The following LAMC3 variants were observed in gnomAD, a reference collection of about 807,000 sequenced individuals.
LAMC3 encodes laminin subunit gamma 3.
A neutral mutation model predicts 173.8 loss-of-function variants in LAMC3; 128 were observed. That is an observed-to-expected ratio of 0.74 (90% CI 0.64 to 0.85). LAMC3 has a LOEUF of 0.85. LAMC3 is among the 40% of genes least tolerant of loss of function. The pLI, the probability that LAMC3 is intolerant of heterozygous loss-of-function variation, is 0.00. For synonymous variants in LAMC3, 897 were observed against 909.1 expected, an observed-to-expected ratio of 0.99 and a Z score of 0.24; for missense variants, 2,022 against 2,156.0, an observed-to-expected ratio of 0.94 and a Z score of 1.23.
rs1833789744 is a variant in LAMC3 at position 131,029,492 on chromosome 9, G to C, written c.679-2553G>C. Among the ~76,000 whole-genome samples the C allele has an allele frequency of 6.6e-6, 1 of 152,228 alleles. No homozygotes were observed. The highest frequency in any genetic ancestry group is 2.4e-5 in the African/African-American group (1 of 41,458). Reference sequence around the variant, plus strand: ...TGTTGCCTCTTGTGTTCTGGACACTGTCCCTGATGGAGAGATGACCTTTTG... The same window carrying C: ...TGTTGCCTCTTGTGTTCTGGACACTCTCCCTGATGGAGAGATGACCTTTTG... On this transcript the variant is annotated intron_variant, in intron 2 of 27. Coordinates refer to ENST00000361069, the MANE Select transcript of LAMC3 (RefSeq NM_006059.4). The surrounding 1 kb of genome is among the most constrained non-coding windows in gnomAD (Gnocchi z 4.6).
chr9:131,023,026 A>G (rs1272037610), intron 1 of LAMC3, among the ~76,000 whole-genome samples: 8 of 152,086 alleles, frequency 5.3e-5, no homozygotes, highest in Non-Finnish European at 1.2e-4. Flanking sequence ...GAATCCCATA[A>G]GATGTGGTCT....
At chr9:131,049,462 T>C (rs1431929143) in intron 9 of LAMC3, among the ~76,000 whole-genome samples, 5 of 152,098 alleles carry the variant, frequency 3.3e-5, no homozygotes, top group Non-Finnish European at 7.4e-5. Flanking sequence ...CTCTTGTGTA[T>C]TTGCCATTAA....
intron 3 of LAMC3, 83 bp downstream of exon 3, chr9:131,032,258 T>C (rs956556348): frequency 2.1e-5 from 4 of 191,618 alleles, no homozygotes; most frequent in South Asian, 3.3e-5. Context: ...GGGTGGGGGG[T>C]GGGGGGGCAC....
intron 3 of LAMC3, among the ~76,000 whole-genome samples, chr9:131,033,343 C>T (rs1833881706): frequency 6.6e-6 from 1 of 152,198 alleles, no homozygotes; most frequent in African/African-American, 2.4e-5. Flanking sequence ...GATCAGATTG[C>T]TCCCCAGTGA....
rs2133281288 is a variant in LAMC3 at position 131,052,598 on chromosome 9, A to G, written c.1738A>G (p.Thr580Ala). Residue 580 changes from threonine (T) to alanine (A), a missense_variant, in exon 10 of 28, where the codon ACA becomes GCA. Thr to Ala is a moderately conservative substitution (Grantham distance 58, BLOSUM62 0). Coordinates refer to ENST00000361069, the MANE Select transcript of LAMC3 (RefSeq NM_006059.4). ...CCCTGTACAGCTGAGGCTGGAAGGGACAGGCTTGGCCCTGTCCCTGAGGCA... is the reference window on the plus strand; with the variant it reads ...CCCTGTACAGCTGAGGCTGGAAGGGGCAGGCTTGGCCCTGTCCCTGAGGCA... The part of the protein sequence containing the change: ...PLPVQLRLEG[T>A]GLALSLRHSS... 1 of 1,613,918 alleles carries G rather than the reference A, an allele frequency of 6.2e-7. No homozygotes were observed. Among genetic ancestry groups the G allele is most frequent in the South Asian group, 1.1e-5 (1 of 91,076 alleles).
rs781009795 is a variant in LAMC3, at chr9:131,077,293, A to G, written c.3736A>G (p.Thr1246Ala). Residue 1246 changes from threonine (T) to alanine (A), a missense_variant, in exon 22 of 28, where the codon ACA becomes GCA. Transcript: ENST00000361069. The part of the protein sequence containing the change: ...LATVQQVGAD[T>A]APYLALLASP... ...CACCGTGCAGCAAGTTGGCGCAGAT[A>G]CAGCCCCGTACCTGGCCTTGCTGGC... 9 of 1,613,970 alleles carry G rather than the reference A, an allele frequency of 5.6e-6. No homozygotes were observed. The African/African-American group carries it at 9.3e-5, about 17-fold the overall frequency.
chr9:131,049,094 C>T lies in LAMC3; in HGVS notation c.1594C>T (p.Leu532=), dbSNP rs1834234010. The T allele has an allele frequency of 1.9e-6, 3 of 1,551,932 alleles. No homozygotes were observed. Among genetic ancestry groups the T allele is most frequent in the Non-Finnish European group, 2.6e-6 (3 of 1,147,002 alleles). The stretch of plus-strand genomic sequence containing the variant: ...ACAATGGAGCCCAAATGGGGTCCTC[C>T]TGAGCCCAGAAGACGAGGAGGAGCT... ...PPQWSPNGVL[L]SPEDEEELTA... The change falls in exon 9 of 28, where the codon CTG becomes TTG. Residue 532 remains leucine (L), a synonymous_variant. Coordinates refer to ENST00000361069, the MANE Select transcript of LAMC3 (RefSeq NM_006059.4).
intron 20 of LAMC3, 84 bp from the exon 21 acceptor site, chr9:131,075,747 C>G (rs1830114477): frequency 6.9e-7 from 1 of 1,450,888 alleles, no homozygotes; most frequent in Admixed American, 1.9e-5. Context: ...CAGCAGGAGG[C>G]CTGTGTAGTA....
At chr9:131,065,484 A>C (rs1283889710) in intron 13 of LAMC3, among the ~76,000 whole-genome samples, 3 of 152,238 alleles carry the variant, frequency 2.0e-5, no homozygotes, top group African/African-American at 7.2e-5. Context: ...GGGATGAGGA[A>C]AAGGACGAGG....
At chr9:131,014,305 TCTC>T (rs1833480714) in intron 1 of LAMC3, among the ~76,000 whole-genome samples, 2 of 152,152 alleles carry the variant, frequency 1.3e-5, no homozygotes, top group South Asian at 4.1e-4. Flanking sequence ...CCAGCGCACT[TCTC>T]CTCCCACCTT....
At chr9:131,045,064 A>C (rs927819986) in intron 7 of LAMC3, among the ~76,000 whole-genome samples, 5 of 152,078 alleles carry the variant, frequency 3.3e-5, no homozygotes. Context: ...TCTACTAAAA[A>C]TACAAAAATT....
chr9:131,062,528 A>G (rs6597673), intron 13 of LAMC3, among the ~76,000 whole-genome samples: 129,819 of 152,146 alleles, frequency 0.85, 55,835 homozygotes, highest in African/African-American at 0.95. Context: ...TCACTCATCC[A>G]TCTCTAGAAC....
intron 4 of LAMC3, among the ~76,000 whole-genome samples, chr9:131,038,018 A>C (rs1003808620): frequency 6.6e-6 from 1 of 151,768 alleles, no homozygotes; most frequent in Non-Finnish European, 1.5e-5. Context: ...AGCCAGCCTC[A>C]TGGCACACCC....
At chr9:131,031,093 G>A (rs988832495) in intron 2 of LAMC3, among the ~76,000 whole-genome samples, 4 of 152,246 alleles carry the variant, frequency 2.6e-5, no homozygotes, top group Non-Finnish European at 5.9e-5. Context: ...CAGTAGCTCC[G>A]GTTGCCGAGC....
At chr9:131,035,656 A>G (rs1486259080) in intron 3 of LAMC3, among the ~76,000 whole-genome samples, 1 of 152,094 alleles carries the variant, frequency 6.6e-6, no homozygotes, top group Non-Finnish European at 1.5e-5. Context: ...GGGGATTTGG[A>G]GTGACTCAGG....
intron 12 of LAMC3, among the ~76,000 whole-genome samples, chr9:131,060,424 G>A (rs1273423810): frequency 1.3e-5 from 2 of 152,060 alleles, no homozygotes; most frequent in African/African-American, 2.4e-5. Context: ...CGGGCAAATC[G>A]CTTGAGGTCA....
At chr9:131,069,874 C>G in intron 17 of LAMC3, 24 bp downstream of exon 17, 1 of 1,562,554 alleles carries the variant, frequency 6.4e-7, no homozygotes, top group Non-Finnish European at 8.7e-7. Context: ...GACCCACTCA[C>G]CTTTCCATTC....
chr9:131,012,062 T>TACACACACACACACACACAC (rs33965311), intron 1 of LAMC3, among the ~76,000 whole-genome samples: 90 of 138,514 alleles, frequency 6.5e-4, no homozygotes, highest in African/African-American at 2.3e-3. Flanking sequence ...CACACACACA[T>TACACACACACACACACACAC]ACACACACAC....
chr9:131,036,813 G>A (rs1833953956), intron 4 of LAMC3, among the ~76,000 whole-genome samples: 1 of 152,204 alleles, frequency 6.6e-6, no homozygotes, highest in Non-Finnish European at 1.5e-5. Flanking sequence ...GTCTTCTCCA[G>A]GGACACAGGC....
Sources: allele counts gnomAD v4.1 joint callset (sites outside exome capture counted in the v4.1 genomes callset), GRCh38; gene constraint gnomAD v4.1.1; non-coding constraint Gnocchi (gnomAD v3.1); transcripts MANE v1.5; gene names NCBI Gene and HGNC (gene_info 2026-07-23, HGNC 2026-07-21).